The following DNAI4 variants were observed in gnomAD, a reference collection of about 807,000 sequenced individuals.
DNAI4 encodes the protein dynein axonemal intermediate chain 4, also known as WD repeat domain 78.
Under a neutral mutation model 105.8 loss-of-function variants are expected in DNAI4, and 85 were observed. That is an observed-to-expected ratio of 0.80 (90% CI 0.67 to 0.96). DNAI4 has a LOEUF of 0.96. DNAI4 is among the 40% of genes least tolerant of loss of function. The pLI is 0.00. For synonymous variants in DNAI4, 352 were observed against 331.5 expected (o/e 1.06, Z -0.67); for missense variants, 1,014 against 1,005.6 (o/e 1.01, Z -0.11).
intron 7 of DNAI4, among the ~76,000 whole-genome samples, chr1:66,856,254 G>A (rs544228456): frequency 9.7e-4 from 147 of 151,902 alleles, no homozygotes; most frequent in Non-Finnish European, 4.6e-4. Flanking sequence ...CAGATCACGA[G>A]GTCAGGAGAT....
Position 66,840,530 on chromosome 1 carries a change from A to G in DNAI4, c.1433T>C (p.Phe478Ser). The G allele has an allele frequency of 2.5e-6, 4 of 1,614,222 alleles. No individual in the cohort carries two copies. Among genetic ancestry groups the G allele is most frequent in the Non-Finnish European group, 3.4e-6 (4 of 1,180,046 alleles). ...GAGGCCTTTGGTTAAGTCACAGGAA[A>G]AAGACCAAAGTCGTTCCAAGTTGGC... ...IPANLERLWS[F>S]SCDLTKGLNV... is the part of the protein sequence containing the mutation. Residue 478 changes from phenylalanine (F) to serine (S), a missense_variant, in exon 9 of 17, where the codon TTT (phenylalanine) becomes TCT (serine). Physicochemically the swap from Phe to Ser is radical, Grantham distance 155. Coordinates refer to ENST00000371026, the MANE Select transcript of DNAI4 (RefSeq NM_024763.5).
At chr1:66,892,304 A>T (rs978603582) in intron 3 of DNAI4, among the ~76,000 whole-genome samples, 5 of 152,210 alleles carry the variant, frequency 3.3e-5, no homozygotes, top group African/African-American at 1.2e-4. Flanking sequence ...GCTGTGTATT[A>T]TAAAATAAGA....
rs775273560 is a variant in DNAI4, at chr1:66,834,158, T to C, written c.1734-10A>G. 5 of 1,581,772 alleles carry C rather than the reference T, an allele frequency of 3.2e-6. No homozygotes were observed. In the South Asian group the frequency reaches 5.9e-5, roughly 19 times the overall value. ...TTTTTGAGGTGATTCACTAAAACAG[T>C]AAAAAAAATACTAAACATATAATCA... On this transcript the variant is annotated splice_polypyrimidine_tract_variant and intron_variant, in intron 11 of 16. Coordinates refer to ENST00000371026, the MANE Select transcript of DNAI4 (RefSeq NM_024763.5).
At chr1:66,817,524 G>A (rs908892854) in intron 16 of DNAI4, among the ~76,000 whole-genome samples, 1 of 151,520 alleles carries the variant, frequency 6.6e-6, no homozygotes. Context: ...AGTGAGCCAA[G>A]ATCAGGCCAC....
chr1:66,897,944 TAC>T (rs1648469156), intron 2 of DNAI4, among the ~76,000 whole-genome samples: 1 of 152,016 alleles, frequency 6.6e-6, no homozygotes, highest in African/African-American at 2.4e-5. Context: ...ACCCCAGAAC[TAC>T]AGAGCTATCA....
intron 12 of DNAI4, 75 bp from the exon 13 acceptor site, chr1:66,833,781 TCC>T: frequency 2.0e-6 from 3 of 1,534,378 alleles, no homozygotes; most frequent in Non-Finnish European, 2.6e-6. Context: ...TGTGTGTTTC[TCC>T]TGCAAATAAT....
chr1:66,844,495 G>A (rs901441766), intron 8 of DNAI4, among the ~76,000 whole-genome samples: 5 of 152,122 alleles, frequency 3.3e-5, no homozygotes, highest in East Asian at 1.9e-4. Flanking sequence ...CCCGGGAGGC[G>A]GAGGTTGTGG....
chr1:66,822,583 G>T lies in DNAI4; in HGVS notation c.2340-66C>A, dbSNP rs1022748234. On this transcript the variant is annotated intron_variant, in intron 15 of 16. Transcript: ENST00000371026. Reference sequence around the variant, plus strand: ...TAATATGGTCTTTTAAATAGACAAAGAAAAATTTGACATTTTTTAAATTAA... The same window carrying T: ...TAATATGGTCTTTTAAATAGACAAATAAAAATTTGACATTTTTTAAATTAA... 6 of 1,307,794 alleles carry T rather than the reference G, an allele frequency of 4.6e-6. No homozygotes were observed. The Admixed American group carries it at 9.5e-5, about 21-fold the overall frequency. 81.0% of individuals were successfully genotyped at this position (1,307,794 alleles called of 1,614,324 possible).
chr1:66,902,301 T>A (rs902085369), intron 2 of DNAI4, among the ~76,000 whole-genome samples: 5 of 152,276 alleles, frequency 3.3e-5, no homozygotes, highest in South Asian at 2.1e-4. Flanking sequence ...GATTTGCATT[T>A]CCCTAATGTT....
At chr1:66,848,165 T>C in intron 7 of DNAI4, 1 of 456,102 alleles carries the variant, frequency 2.2e-6, no homozygotes, top group Non-Finnish European at 4.4e-6. Flanking sequence ...TTTGTTCCTT[T>C]CTGAAGGTTT....
intron 1 of DNAI4, among the ~76,000 whole-genome samples, chr1:66,918,447 A>G (rs920813727): frequency 1.6e-4 from 24 of 152,190 alleles, no homozygotes; most frequent in Admixed American, 1.6e-3. Context: ...GGAGTCACTG[A>G]AAACTAAGCT....
At chr1:66,923,918 A>AT (rs1650828328) in intron 1 of DNAI4, among the ~76,000 whole-genome samples, 1 of 152,242 alleles carries the variant, frequency 6.6e-6, no homozygotes, top group Non-Finnish European at 1.5e-5. Context: ...CAACTGCTGC[A>AT]TAACAACAGA....
intron 15 of DNAI4, among the ~76,000 whole-genome samples, chr1:66,824,938 C>T (rs904265263): frequency 3.5e-4 from 53 of 152,186 alleles, no homozygotes; most frequent in Non-Finnish European, 7.3e-4. Flanking sequence ...TGCCTTTCTA[C>T]TCAAGATTGC....
intron 14 of DNAI4, among the ~76,000 whole-genome samples, chr1:66,827,489 T>TA (rs1034252906): frequency 1.4e-4 from 21 of 151,738 alleles, no homozygotes; most frequent in Admixed American, 3.3e-4. Flanking sequence ...ACCCATCTCT[T>TA]AAAAAAAACA....
intron 16 of DNAI4, among the ~76,000 whole-genome samples, chr1:66,818,730 G>A (rs1184914873): frequency 1.3e-5 from 2 of 152,074 alleles, no homozygotes; most frequent in Non-Finnish European, 2.9e-5. Flanking sequence ...ACCAGCCATG[G>A]CGAAACCCTG....
At chr1:66,899,714 T>C (rs1234662718) in intron 2 of DNAI4, among the ~76,000 whole-genome samples, 1 of 152,218 alleles carries the variant, frequency 6.6e-6, no homozygotes, top group African/African-American at 2.4e-5. Flanking sequence ...TAAATCTGTC[T>C]TTAATAAATT....
intron 2 of DNAI4, among the ~76,000 whole-genome samples, chr1:66,902,913 TA>T (rs1282497929): frequency 8.5e-5 from 13 of 152,272 alleles, no homozygotes; most frequent in Non-Finnish European, 4.4e-5. Context: ...TGTTTGTTTT[TA>T]TTCCACTACC....
At chr1:66,897,644 T>G (rs1177867139) in intron 2 of DNAI4, among the ~76,000 whole-genome samples, 4 of 152,112 alleles carry the variant, frequency 2.6e-5, no homozygotes. Context: ...GGTCCCCAAA[T>G]TTTGGCAAGG....
At chr1:66,836,120 C>T (rs1645981348) in intron 10 of DNAI4, among the ~76,000 whole-genome samples, 1 of 122,868 alleles carries the variant, frequency 8.1e-6, no homozygotes, top group African/African-American at 3.2e-5. Context: ...ACAAGACCCT[C>T]ATCTCAGAAA....
Sources: gnomAD v4.1 joint callset for allele counts (sites outside exome capture counted in the v4.1 genomes callset) on GRCh38, gnomAD v4.1.1 for gene constraint, MANE v1.5 for transcripts, NCBI Gene and HGNC (gene_info 2026-07-23, HGNC 2026-07-21) for gene names.